STK25: variants seen among roughly 807,000 people sequenced by gnomAD.
The protein encoded by STK25 is serine/threonine kinase 25.
Under a neutral mutation model 53.8 loss-of-function variants are expected in STK25, and 29 were observed. The ratio of observed to expected loss-of-function variants is 0.54; its 90% CI spans 0.40 to 0.74. The LOEUF is 0.74. STK25 is among the 30% of genes least tolerant of loss of function. The pLI is 0.00. For missense variants in STK25, 420 were observed against 568.0 expected (o/e 0.74, Z 2.65); for synonymous variants, 247 against 238.3 (o/e 1.04, Z -0.33).
rs1008878279 is a variant in STK25, at chr2:241,501,878, C to G, written c.31-170G>C. On this transcript the variant is annotated intron_variant, in intron 2 of 11. Transcript: ENST00000316586. The surrounding 1 kb of genome is among the most constrained non-coding windows in gnomAD (Gnocchi z 5.3). ...TCCTTTCTCCCTTTTTGTTCAAAAA[C>G]TAAACTTGGCCGGGCGTGGTGGCTC... 1.7e-6 allele frequency: 1 copy of G among 598,422 alleles called. No homozygotes were observed. Among genetic ancestry groups the G allele is most frequent in the African/African-American group, 1.9e-5 (1 of 53,816 alleles). The allele number at this position is 598,422 out of a possible 1,614,324, so 37.1% of individuals were successfully genotyped here. A position where few individuals can be genotyped will look rare whatever the true frequency, so the allele number is the denominator to read the frequency against.
Position 241,497,632 on chromosome 2 carries a change from C to G in STK25, c.1088G>C (p.Arg363Pro). The change falls in exon 10 of 12, where the codon CGG becomes CCG. Residue 363 changes from arginine (R) to proline (P), a missense_variant. Transcript: ENST00000316586. Reference protein sequence around the residue: ...PRSQCLSTLVRPVFGELKEKH... With the variant: ...PRSQCLSTLVPPVFGELKEKH... ...CATCCTCACCTCTCCGAAGACGGGC[C>G]GGACCAGCGTGGACAGGCACTGGGA... 1 of 1,613,504 alleles carries G rather than the reference C, an allele frequency of 6.2e-7. No individual in the cohort carries two copies. The highest frequency in any genetic ancestry group is 1.1e-5 in the South Asian group (1 of 91,080).
chr2:241,508,501 C>A lies in STK25; in HGVS notation c.-159G>T. On this transcript the variant is annotated 5_prime_UTR_variant, in exon 1 of 12. Coordinates refer to ENST00000316586, the MANE Select transcript of STK25 (RefSeq NM_001271977.2). ...CGCTCTGCAGCGCCCGCGAAGGCTC[C>A]CACCCGCAGCCTCTGTTCGCCCGGG... The A allele has an allele frequency of 9.8e-7, 1 of 1,019,104 alleles. No individual in the cohort carries two copies. The highest frequency in any genetic ancestry group is 1.1e-4 in the East Asian group (1 of 9,012). The allele number at this position is 1,019,104 out of a possible 1,614,324, so 63.1% of individuals were successfully genotyped here.
In STK25 at chr2:241,496,676, G is replaced by C; in HGVS notation, c.1105-142C>G. 1.1e-6 allele frequency: 1 copy of C among 922,160 alleles called. No individual in the cohort carries two copies. Among genetic ancestry groups the C allele is most frequent in the South Asian group, 1.8e-5 (1 of 55,752 alleles). 57.1% of individuals were successfully genotyped at this position (922,160 alleles called of 1,614,324 possible). A position where few individuals can be genotyped will look rare whatever the true frequency, so the allele number is the denominator to read the frequency against. On this transcript the variant is annotated intron_variant, in intron 10 of 11. Transcript: ENST00000316586. The surrounding 1 kb of genome is among the most constrained non-coding windows in gnomAD (Gnocchi z 5.8). ...ACCCGGGAGCCCTTCAGCAAGCCGGGAAGTGAGGTGGCCCAAGGAAGCCTC... is the reference window on the plus strand; with the variant it reads ...ACCCGGGAGCCCTTCAGCAAGCCGGCAAGTGAGGTGGCCCAAGGAAGCCTC...
rs139895598 is a variant in STK25 at position 241,493,002 on chromosome 2, C to A, written c.*2660G>T. On this transcript the variant is annotated 3_prime_UTR_variant, in exon 12 of 12. Coordinates refer to ENST00000316586, the MANE Select transcript of STK25 (RefSeq NM_001271977.2). ...TGGCAGAAGCTCTGGGTCGTCTTTACCAACTTCTGTTTGTTCTTCTACAAA... is the reference window on the plus strand; with the variant it reads ...TGGCAGAAGCTCTGGGTCGTCTTTAACAACTTCTGTTTGTTCTTCTACAAA... The A allele has an allele frequency of 1.9e-6, 3 of 1,609,986 alleles. No homozygotes were observed. The African/African-American group carries it at 4.0e-5, about 21-fold the overall frequency.
chr2:241,502,767 A>C (rs976628955), intron 2 of STK25, among the ~76,000 whole-genome samples: 1 of 151,882 alleles, frequency 6.6e-6, no homozygotes, highest in Non-Finnish European at 1.5e-5. Flanking sequence ...AAAAAAAAAA[A>C]CCTCATCAAA....
rs983586312 is a variant in STK25 at position 241,496,599 on chromosome 2, T to G, written c.1105-65A>C. The G allele has an allele frequency of 1.9e-6, 3 of 1,563,752 alleles. No individual in the cohort carries two copies. The Admixed American group carries it at 5.2e-5, about 27-fold the overall frequency. On this transcript the variant is annotated intron_variant, in intron 10 of 11. Transcript: ENST00000316586. This position sits in a 1 kb window ranked among gnomAD's most constrained non-coding sequence, Gnocchi z 5.8. ...CAGGCCTTCAGGGAGCCTGCTCCTT[T>G]GCTCGGCCACAGTGATGCCGGAGGC...
chr2:241,497,367 C>T (rs2065236920), intron 10 of STK25: 3 of 512,620 alleles, frequency 5.9e-6, no homozygotes, highest in African/African-American at 3.8e-5. Flanking sequence ...GAAGGATCAT[C>T]TGTGTTTGCA....
Position 241,493,133 on chromosome 2 carries a change from C to T in STK25, c.*2529G>A. 2 of 1,150,638 alleles carry T rather than the reference C, an allele frequency of 1.7e-6. No homozygotes were observed. Among genetic ancestry groups the T allele is most frequent in the Non-Finnish European group, 2.6e-6 (2 of 769,038 alleles). The allele number at this position is 1,150,638 out of a possible 1,614,324, so 71.3% of individuals were successfully genotyped here. ...CCCTTTTGTATTTTGGTTCTGCCCT[C>T]CCATGCTTTGCCCACACACCCTGTG... is the stretch of plus-strand genomic sequence containing the variant. On this transcript the variant is annotated 3_prime_UTR_variant, in exon 12 of 12. Transcript: ENST00000316586.
In STK25 at chr2:241,498,547, C is replaced by G. The variant is rs568839472; in HGVS notation, c.917+92G>C. 13 of 1,489,352 alleles carry G rather than the reference C, an allele frequency of 8.7e-6. No homozygotes were observed. In the African/African-American group the frequency reaches 1.7e-4, roughly 19 times the overall value. 92.3% of individuals were successfully genotyped at this position (1,489,352 alleles called of 1,614,324 possible). A position where few individuals can be genotyped will look rare whatever the true frequency, so the allele number is the denominator to read the frequency against. On this transcript the variant is annotated intron_variant, in intron 8 of 11. Transcript: ENST00000316586. ...CTGCCCAACACTATATCTGGTCACCCTCACCCCCAGGGCCCACGCCCCTGC... is the reference window on the plus strand; with the variant it reads ...CTGCCCAACACTATATCTGGTCACCGTCACCCCCAGGGCCCACGCCCCTGC...
At chr2:241,508,723 G>T, upstream of STK25, 1 of 985,480 alleles carries the variant, frequency 1.0e-6, no homozygotes, top group Non-Finnish European at 1.2e-6. Flanking sequence ...GCGAGAGGGG[G>T]CCGGGGCTCG....
rs938443399 is a variant in STK25 at position 241,493,237 on chromosome 2, G to A, written c.*2425C>T. ...CCGTTGTGCAGGTAGCAGAGGAATG[G>A]GCATTCCCTGTGGCAACCCAGCCCC... is the stretch of plus-strand genomic sequence containing the variant. On this transcript the variant is annotated 3_prime_UTR_variant, in exon 12 of 12. Coordinates refer to ENST00000316586, the MANE Select transcript of STK25 (RefSeq NM_001271977.2). 2 of 1,580,814 alleles carry A rather than the reference G, an allele frequency of 1.3e-6. No individual in the cohort carries two copies. Among genetic ancestry groups the A allele is most frequent in the South Asian group, 1.1e-5 (1 of 89,396 alleles).
Position 241,508,133 on chromosome 2 carries a change from C to T in STK25, c.-98G>A. ...GCTAGCTCGCCCCTGCGGCGTCAGT[C>T]CACTGCGAGGGACACCAGGGGCGCT... On this transcript the variant is annotated splice_region_variant and 5_prime_UTR_variant, in exon 2 of 12. Transcript: ENST00000316586. 1 of 1,515,998 alleles carries T rather than the reference C, an allele frequency of 6.6e-7. No homozygotes were observed. The highest frequency in any genetic ancestry group is 1.3e-5 in the South Asian group (1 of 78,434). The allele number at this position is 1,515,998 out of a possible 1,614,324, so 93.9% of individuals were successfully genotyped here.
rs965178011 is a variant in STK25, at chr2:241,501,595, G to A, written c.144C>T (p.Ile48=). 1.2e-6 allele frequency: 2 copies of A among 1,614,140 alleles called. No individual in the cohort carries two copies. The highest frequency in any genetic ancestry group is 1.7e-5 in the Admixed American group (1 of 60,028). ...IDNHTKEVVA[I]KIIDLEEAED... ...CGGCCTCCTCCAGGTCGATGATCTT[G>A]ATGGCCACCACCTCCTTTGTGTGGT... The change falls in exon 3 of 12, where the codon ATC becomes ATT. Residue 48 remains isoleucine, a synonymous_variant. Coordinates refer to ENST00000316586, the MANE Select transcript of STK25 (RefSeq NM_001271977.2). The surrounding 1 kb of genome is among the most constrained non-coding windows in gnomAD (Gnocchi z 5.3).
chr2:241,504,943 G>A (rs1209394059), intron 2 of STK25, among the ~76,000 whole-genome samples: 1 of 149,438 alleles, frequency 6.7e-6, no homozygotes, highest in Non-Finnish European at 1.5e-5. Flanking sequence ...TTGAGATAGA[G>A]TCTCACTCTG....
intron 2 of STK25, among the ~76,000 whole-genome samples, chr2:241,504,978 G>A (rs576523398): frequency 2.0e-5 from 3 of 150,988 alleles, no homozygotes; most frequent in Non-Finnish European, 3.0e-5. Flanking sequence ...GTGCAGTGGC[G>A]TGATCTCGGC....
intron 3 of STK25, 106 bp from the exon 4 acceptor site, chr2:241,500,902 C>T: frequency 1.8e-6 from 2 of 1,092,220 alleles, no homozygotes; most frequent in Non-Finnish European, 2.7e-6. Flanking sequence ...CCCACCGGTC[C>T]CATCCCTGCC....
rs139334406 is a variant in STK25 at position 241,498,307 on chromosome 2, C to T, written c.960G>A (p.Thr320=). 1.4e-5 allele frequency: 22 copies of T among 1,603,886 alleles called. No homozygotes were observed. The African/African-American group carries it at 2.1e-4, about 16-fold the overall frequency. ...GACTCGGCCGGATGGTAGGGGGGAA[C>T]GTCCAGATGGGGCCCTGCTCCCCGT... ...AEDGEQGPIW[T]FPPTIRPSPH... The change falls in exon 9 of 12, where the codon ACG becomes ACA. Residue 320 remains threonine, a synonymous_variant. Transcript: ENST00000316586.
In STK25 at chr2:241,501,745, C is replaced by T; in HGVS notation, c.31-37G>A. 1 of 1,557,522 alleles carries T rather than the reference C, an allele frequency of 6.4e-7. No homozygotes were observed. On this transcript the variant is annotated intron_variant, in intron 2 of 11. Coordinates refer to ENST00000316586, the MANE Select transcript of STK25 (RefSeq NM_001271977.2). The surrounding 1 kb of genome is among the most constrained non-coding windows in gnomAD (Gnocchi z 5.3). ...GGGCGGGGACAGAGGGCAGACAGCG[C>T]CGGTCACAAGAGGCGGGGGACAGGC... is the stretch of plus-strand genomic sequence containing the variant.
chr2:241,507,644 G>GCC (rs1312139984), intron 2 of STK25, among the ~76,000 whole-genome samples: 1 of 152,208 alleles, frequency 6.6e-6, no homozygotes, highest in Non-Finnish European at 1.5e-5. Context: ...CCGCAGGGTG[G>GCC]CCCCCGACCT....
Sources: allele counts gnomAD v4.1 joint callset (sites outside exome capture counted in the v4.1 genomes callset), GRCh38; gene constraint gnomAD v4.1.1; non-coding constraint Gnocchi (gnomAD v3.1); transcripts MANE v1.5; gene names NCBI Gene and HGNC (gene_info 2026-07-23, HGNC 2026-07-21).